Variants in BEAN1 observed in about 807,000 individuals in gnomAD.
The protein encoded by BEAN1 is protein BEAN1.
BEAN1 carries 17 observed loss-of-function variants against 17.7 expected under a neutral mutation model. That is an observed-to-expected ratio of 0.96 (90% CI 0.66 to 1.44). BEAN1 has a LOEUF of 1.44. Among genes scored for constraint, BEAN1 ranks in the 40% most tolerant of loss-of-function variants. BEAN1 has a pLI of 0.00. For missense variants in BEAN1, 359 were observed against 374.1 expected (o/e 0.96, Z 0.33); for synonymous variants, 142 against 151.8 (o/e 0.94, Z 0.47).
intron 2 of BEAN1, among the ~76,000 whole-genome samples, chr16:66,441,891 C>A (rs1226377362): frequency 6.6e-6 from 1 of 152,164 alleles, no homozygotes. Flanking sequence ...AACTTCCCCA[C>A]CCCTCAACAC....
chr16:66,469,896 A>T (rs1250310545), intron 3 of BEAN1, 31 bp downstream of exon 3: 1 of 1,525,382 alleles, frequency 6.6e-7, no homozygotes, highest in East Asian at 2.5e-5. Flanking sequence ...GGGCCCTGGG[A>T]CCTCATCTGA....
chr16:66,439,990 C>T lies in BEAN1; in HGVS notation c.25+2289C>T, dbSNP rs115548618. On this transcript the variant is annotated intron_variant, in intron 2 of 4. Coordinates refer to ENST00000536005, the MANE Select transcript of BEAN1 (RefSeq NM_001178020.3). ...AGAAGCACCTGGTGTCCCCTTCCAGCACCCACAATCAGCTTCAGTCTGGGT... is the reference window on the plus strand; with the variant it reads ...AGAAGCACCTGGTGTCCCCTTCCAGTACCCACAATCAGCTTCAGTCTGGGT... 4.7e-3 allele frequency among the ~76,000 whole-genome samples: 713 copies of T among 152,292 alleles called. 2 individuals are homozygous for T. Among genetic ancestry groups the T allele is most frequent in the African/African-American group, 0.01 (431 of 41,552 alleles).
At chr16:66,445,721 A>G (rs1002465970) in intron 2 of BEAN1, among the ~76,000 whole-genome samples, 1 of 152,070 alleles carries the variant, frequency 6.6e-6, no homozygotes, top group Non-Finnish European at 1.5e-5. Context: ...AAGGTACCAG[A>G]GGCAGTAGGG....
intron 2 of BEAN1, among the ~76,000 whole-genome samples, chr16:66,448,234 T>C (rs1275001702): frequency 6.6e-6 from 1 of 151,468 alleles, no homozygotes; most frequent in East Asian, 1.9e-4. Flanking sequence ...TGTTGTTTGT[T>C]GTTGTTTTTA....
downstream of BEAN1, chr16:66,485,828 GAGT>G (rs1964081745): frequency 6.5e-6 from 1 of 152,698 alleles, no homozygotes; most frequent in African/African-American, 2.4e-5. Context: ...CTGTGTGGTG[GAGT>G]AGAAGAGCAT....
downstream of BEAN1, among the ~76,000 whole-genome samples, chr16:66,486,218 G>A (rs191717887): frequency 3.6e-4 from 55 of 150,950 alleles, no homozygotes; most frequent in Non-Finnish European, 7.2e-4. Flanking sequence ...GGTCTCTGTT[G>A]TTTGTTTGTT....
chr16:66,469,803 GCCACCACCA>G lies in BEAN1; in HGVS notation c.234_242del (p.His82_His84del). 1.3e-6 allele frequency: 2 copies of G among 1,513,934 alleles called. No homozygotes were observed. The highest frequency in any genetic ancestry group is 2.5e-5 in the East Asian group (1 of 40,688). The allele number at this position is 1,513,934 out of a possible 1,614,324, so 93.8% of individuals were successfully genotyped here. ...CAGCGGCACCGCCACCGCCACCACC[GCCACCACCA>G]CCACCATCATCACCACCGCCGGCGT... On this transcript the variant is annotated inframe_deletion, in exon 3 of 5. Transcript: ENST00000536005.
At chr16:66,490,218 TAAAAAAAAAAAAA>T (rs774079713) in intron 4 of BEAN1, among the ~76,000 whole-genome samples, 5 of 43,606 alleles carry the variant, frequency 1.1e-4, no homozygotes, top group East Asian at 6.8e-4. Context: ...CCATCTCTAC[TAAAAAAAAAAAAA>T]AAAAAAAAAA....
At chr16:66,480,221 G>A (rs1963932563) in intron 4 of BEAN1, among the ~76,000 whole-genome samples, 1 of 152,156 alleles carries the variant, frequency 6.6e-6, no homozygotes, top group African/African-American at 2.4e-5. Flanking sequence ...GGAGACCAGG[G>A]TGTCTGGTAG....
rs371492932 is a variant in BEAN1 at position 66,458,650 on chromosome 16, T to C, written c.26-10952T>C. Among the ~76,000 whole-genome samples, 22 of 136,500 alleles carry C rather than the reference T, an allele frequency of 1.6e-4. No individual in the cohort carries two copies. In the East Asian group the frequency reaches 4.2e-3, roughly 26 times the overall value. The allele number at this position is 136,500 out of a possible 152,430, so 89.5% of individuals were successfully genotyped here. On this transcript the variant is annotated intron_variant, in intron 2 of 4. Coordinates refer to ENST00000536005, the MANE Select transcript of BEAN1 (RefSeq NM_001178020.3). The stretch of plus-strand genomic sequence containing the variant: ...TATTTGATAAATTATCAGATAAACC[T>C]GAGTTCAAACCCCAGCTCTGCCACA...
chr16:66,454,912 G>T (rs2142405423), intron 2 of BEAN1, among the ~76,000 whole-genome samples: 1 of 152,132 alleles, frequency 6.6e-6, no homozygotes, highest in Middle Eastern at 3.4e-3. Flanking sequence ...AGAGCTGGTG[G>T]GGAGGGGTAT....
chr16:66,463,474 A>AT (rs1237796645), intron 2 of BEAN1, among the ~76,000 whole-genome samples: 2 of 152,054 alleles, frequency 1.3e-5, no homozygotes, highest in Admixed American at 1.3e-4. Context: ...TCTTTTGACA[A>AT]TTTTTTTAAT....
chr16:66,477,195 G>A (rs2142456624), intron 3 of BEAN1, among the ~76,000 whole-genome samples: 1 of 152,216 alleles, frequency 6.6e-6, no homozygotes, highest in South Asian at 2.1e-4. Flanking sequence ...CCTCCTCCAG[G>A]AAGCCCTCCC....
intron 1 of BEAN1, among the ~76,000 whole-genome samples, chr16:66,430,381 A>G (rs1961751013): frequency 6.6e-6 from 1 of 152,248 alleles, no homozygotes; most frequent in Admixed American, 6.5e-5. Context: ...ATTGATGAGA[A>G]CACTGAGGCT....
chr16:66,445,475 C>CAAAAAAAAAAAAAAA (rs61540693), intron 2 of BEAN1, among the ~76,000 whole-genome samples: 4 of 49,328 alleles, frequency 8.1e-5, no homozygotes, highest in African/African-American at 2.4e-4. Flanking sequence ...GACTCCGTCT[C>CAAAAAAAAAAAAAAA]AAAAAAAAAA....
At chr16:66,486,562 C>T (rs181753137), downstream of BEAN1, among the ~76,000 whole-genome samples, 50 of 152,270 alleles carry the variant, frequency 3.3e-4, no homozygotes, top group Admixed American at 1.4e-3. Context: ...GCCAGGATTA[C>T]GGTCTCTGGC....
intron 2 of BEAN1, among the ~76,000 whole-genome samples, chr16:66,448,792 G>A (rs779008381): frequency 1.1e-4 from 17 of 152,164 alleles, no homozygotes; most frequent in South Asian, 4.1e-4. Context: ...CACTGCACTC[G>A]GGCAACAGAA....
intron 2 of BEAN1, among the ~76,000 whole-genome samples, chr16:66,444,826 G>A (rs1436400857): frequency 1.3e-5 from 2 of 152,142 alleles, no homozygotes; most frequent in Non-Finnish European, 2.9e-5. Context: ...CAAATGCCCG[G>A]CACTGTGGCG....
intron 3 of BEAN1, among the ~76,000 whole-genome samples, chr16:66,475,145 G>T (rs1315549784): frequency 6.6e-6 from 1 of 152,186 alleles, no homozygotes; most frequent in Non-Finnish European, 1.5e-5. Context: ...TGGACTATTT[G>T]GATCTGTGCC....
Sources: gnomAD v4.1 joint callset for allele counts (sites outside exome capture counted in the v4.1 genomes callset) on GRCh38, gnomAD v4.1.1 for gene constraint, MANE v1.5 for transcripts, NCBI Gene and HGNC (gene_info 2026-07-23, HGNC 2026-07-21) for gene names.